UTP20: variants seen among roughly 807,000 people sequenced by gnomAD.
The protein encoded by UTP20 is small subunit processome component 20 homolog.
In UTP20, 164 loss-of-function variants were observed where a neutral mutation model predicts 329.5. That is an observed-to-expected ratio of 0.50 (90% CI 0.44 to 0.57). UTP20 has a LOEUF of 0.57. UTP20 is among the 20% of genes least tolerant of loss of function. The pLI, the probability that UTP20 is intolerant of heterozygous loss-of-function variation, is 0.00. For missense variants in UTP20, 3,055 were observed against 3,284.2 expected, an observed-to-expected ratio of 0.93 and a Z score of 1.71; for synonymous variants, 1,151 against 1,159.3, an observed-to-expected ratio of 0.99 and a Z score of 0.14.
In UTP20 at chr12:101,290,775, A is replaced by C; in HGVS notation, c.778A>C (p.Thr260Pro). The change falls in exon 8 of 62, where the codon ACA becomes CCA. Residue 260 changes from threonine (T) to proline (P), a missense_variant. This residue lies in a region of UTP20 where 2,445 missense variants were observed against 2,575.5 expected (regional missense o/e 0.95). Coordinates refer to ENST00000261637, the MANE Select transcript of UTP20 (RefSeq NM_014503.3). ...ILRKLGPVTE[T>P]ETQLPWMLIG... ...GCGAAAGCTAGGACCAGTCACTGAAACAGAAACTCAACTACCATGGATGTT... is the reference window on the plus strand; with the variant it reads ...GCGAAAGCTAGGACCAGTCACTGAACCAGAAACTCAACTACCATGGATGTT... 6.2e-7 allele frequency: 1 copy of C among 1,613,704 alleles called. No homozygotes were observed. Among genetic ancestry groups the C allele is most frequent in the South Asian group, 1.1e-5 (1 of 90,934 alleles).
At position 101,280,169 on chromosome 12, in the gene UTP20, C is replaced by A; in HGVS notation, c.-114C>A. 1 of 1,358,274 alleles carries A rather than the reference C, an allele frequency of 7.4e-7. No individual in the cohort carries two copies. The highest frequency in any genetic ancestry group is 1.4e-5 in the South Asian group (1 of 73,552). 84.1% of individuals were successfully genotyped at this position (1,358,274 alleles called of 1,614,324 possible). A position where few individuals can be genotyped will look rare whatever the true frequency, so the allele number is the denominator to read the frequency against. On this transcript the variant is annotated 5_prime_UTR_variant, in exon 1 of 62. It adds an upstream start codon to the 5' untranslated region. Transcript: ENST00000261637. ...GGGCTCAAGCCGCACGTGAGAAAGTCTGGGCATCTGGGAATCGGAGAGTAT... is the reference window on the plus strand; with the variant it reads ...GGGCTCAAGCCGCACGTGAGAAAGTATGGGCATCTGGGAATCGGAGAGTAT...
At chr12:101,336,941 G>T (rs1593438261) in intron 29 of UTP20, among the ~76,000 whole-genome samples, 1 of 152,222 alleles carries the variant, frequency 6.6e-6, no homozygotes, top group Admixed American at 6.5e-5. Context: ...CTCTTGCTAG[G>T]ACTTTACTCG....
chr12:101,292,903 A>G (rs1565785884), intron 10 of UTP20, among the ~76,000 whole-genome samples: 1 of 152,260 alleles, frequency 6.6e-6, no homozygotes, highest in Non-Finnish European at 1.5e-5. Flanking sequence ...GCACAGTAGT[A>G]CACTTTGAGG....
At chr12:101,353,403 G>T (rs1292559428) in intron 40 of UTP20, among the ~76,000 whole-genome samples, 2 of 152,166 alleles carry the variant, frequency 1.3e-5, no homozygotes, top group Non-Finnish European at 2.9e-5. Flanking sequence ...ACCTTCTTGT[G>T]TGAAAAGAGC....
chr12:101,349,830 T>C (rs60750097), intron 38 of UTP20, among the ~76,000 whole-genome samples: 34,967 of 152,090 alleles, frequency 0.23, 4,317 homozygotes, highest in East Asian at 0.37. Flanking sequence ...ATTAGGTCAC[T>C]TGAAGTTGTT....
At chr12:101,357,542 G>C (rs568068845) in intron 43 of UTP20, among the ~76,000 whole-genome samples, 1 of 152,290 alleles carries the variant, frequency 6.6e-6, no homozygotes, top group South Asian at 2.1e-4. Context: ...CTTTAGGCCA[G>C]GAGTTCAAGA....
intron 27 of UTP20, among the ~76,000 whole-genome samples, chr12:101,332,470 A>C (rs1317459543): frequency 6.6e-6 from 1 of 152,242 alleles, no homozygotes; most frequent in African/African-American, 2.4e-5. Flanking sequence ...CACTGGAGCC[A>C]TTAGTAGGGA....
chr12:101,359,595 A>G (rs1869847754), intron 43 of UTP20, among the ~76,000 whole-genome samples: 1 of 151,430 alleles, frequency 6.6e-6, no homozygotes, highest in African/African-American at 2.4e-5. Flanking sequence ...TCCCTCTTTC[A>G]TATCTTTCTG....
At chr12:101,360,060 TG>T (rs1476122665) in intron 43 of UTP20, among the ~76,000 whole-genome samples, 1 of 152,256 alleles carries the variant, frequency 6.6e-6, no homozygotes, top group Admixed American at 6.5e-5. Context: ...GGTGTTTAAA[TG>T]AGTAGCCCTT....
In UTP20 at chr12:101,386,117, G is replaced by A. The variant is rs1870822684; in HGVS notation, c.8352G>A (p.Val2784=). 1.2e-6 allele frequency: 2 copies of A among 1,604,458 alleles called. No homozygotes were observed. The highest frequency in any genetic ancestry group is 1.1e-5 in the South Asian group (1 of 88,452). The change falls in exon 62 of 62, where the codon GTG becomes GTA. Residue 2784 remains valine, a synonymous_variant. Transcript: ENST00000261637. ...ATAGCCTGAAAGATTTAGCAATGGT[G>A]GAGTAATGTCTCCCTGTGCTGATAC... is the stretch of plus-strand genomic sequence containing the variant. The part of the protein sequence containing the change: ...KSHSLKDLAM[V]E
At position 101,340,559 on chromosome 12, in the gene UTP20, T is replaced by C. The variant is rs1182353042; in HGVS notation, c.4050T>C (p.Ser1350=). The C allele has an allele frequency of 6.2e-7, 1 of 1,611,952 alleles. No individual in the cohort carries two copies. Among genetic ancestry groups the C allele is most frequent in the Non-Finnish European group, 8.5e-7 (1 of 1,179,216 alleles). ...TTATGAAAGACAAAGAACAAAGTTC[T>C]GTACTCATTACGCTTCTCCTTCCAT... ...SKFMKDKEQS[S]VLITLLLPFL... The change falls in exon 32 of 62, where the codon TCT becomes TCC. Residue 1350 remains serine (S), a synonymous_variant. Transcript: ENST00000261637.
In UTP20 at chr12:101,281,203, G is replaced by A. The variant is rs750657480; in HGVS notation, c.126+7G>A. ...AACTGCAAGCTATGAGGAGGTAAGA[G>A]AATGTGATACTAGTCAATCTTCAAG... On this transcript the variant is annotated splice_region_variant and intron_variant, in intron 2 of 61. Coordinates refer to ENST00000261637, the MANE Select transcript of UTP20 (RefSeq NM_014503.3). The A allele has an allele frequency of 8.1e-6, 13 of 1,606,006 alleles. No homozygotes were observed. Among genetic ancestry groups the A allele is most frequent in the Middle Eastern group, 1.7e-4 (1 of 6,036 alleles).
chr12:101,354,112 A>AT (rs2120975149), intron 40 of UTP20, among the ~76,000 whole-genome samples: 1 of 152,098 alleles, frequency 6.6e-6, no homozygotes, highest in Non-Finnish European at 1.5e-5. Context: ...TATACAAAAA[A>AT]TTAGCTGGAC....
intron 56 of UTP20, among the ~76,000 whole-genome samples, chr12:101,377,210 A>G (rs1256701933): frequency 6.6e-6 from 1 of 152,250 alleles, no homozygotes; most frequent in African/African-American, 2.4e-5. Context: ...TCATTGCAAC[A>G]TGGCCAGATT....
chr12:101,296,354 G>A (rs561589975), intron 12 of UTP20, among the ~76,000 whole-genome samples: 125 of 152,206 alleles, frequency 8.2e-4, no homozygotes, highest in African/African-American at 2.8e-3. Context: ...GGCAGATCAC[G>A]AGGTCAGGAG....
chr12:101,338,407 A>G, intron 30 of UTP20, 130 bp downstream of exon 30: 2 of 825,094 alleles, frequency 2.4e-6, no homozygotes, highest in South Asian at 3.6e-5. Flanking sequence ...TTCCCTGGGA[A>G]CTAATACTAA....
chr12:101,385,723 C>G lies in UTP20; in HGVS notation c.8197C>G (p.Leu2733Val), dbSNP rs1180008829. 2 of 1,610,630 alleles carry G rather than the reference C, an allele frequency of 1.2e-6. No homozygotes were observed. Among genetic ancestry groups the G allele is most frequent in the Non-Finnish European group, 8.5e-7 (1 of 1,179,336 alleles). ...KRALRKKRKA[L>V]EFVTNPDIAA... Reference sequence around the variant, plus strand: ...GGCACTCCGGAAAAAGAGGAAGGCCCTGGAGGTAAGTTTGCTCTTTGAAAA... The same window carrying G: ...GGCACTCCGGAAAAAGAGGAAGGCCGTGGAGGTAAGTTTGCTCTTTGAAAA... Residue 2733 changes from leucine to valine, a missense_variant, in exon 61 of 62, where the codon CTG becomes GTG. Leu to Val is a conservative substitution (Grantham distance 32). Around this residue, in one of 3 missense-constraint regions of UTP20, gnomAD observed 337 missense variants for 345.5 expected, o/e 0.98. Transcript: ENST00000261637.
Position 101,375,657 on chromosome 12 carries a change from C to T in UTP20, c.7297C>T (p.Arg2433Cys), listed in dbSNP as rs771120382. Residue 2433 changes from arginine to cysteine, a missense_variant, in exon 56 of 62, where the codon CGC becomes TGC. Arg to Cys is a radical substitution (Grantham distance 180). Coordinates refer to ENST00000261637, the MANE Select transcript of UTP20 (RefSeq NM_014503.3). ...AGAAACTGAAGAAAAAGCTGCAGAT[C>T]GCCTTCTGTTTAGTTTTCTTACACT... Reference protein sequence around the residue: ...MEETEEKAADRLLFSFLTLIT... With the variant: ...MEETEEKAADCLLFSFLTLIT... 1.4e-5 allele frequency: 23 copies of T among 1,611,282 alleles called. No individual in the cohort carries two copies. Among genetic ancestry groups the T allele is most frequent in the Non-Finnish European group, 1.4e-5 (16 of 1,179,158 alleles).
Position 101,353,144 on chromosome 12 carries a change from CT to C in UTP20, c.5107+18del, listed in dbSNP as rs758004706. 2 of 1,528,434 alleles carry C rather than the reference CT, an allele frequency of 1.3e-6. No individual in the cohort carries two copies. Among genetic ancestry groups the C allele is most frequent in the East Asian group, 4.5e-5 (2 of 44,156 alleles). The allele number at this position is 1,528,434 out of a possible 1,614,324, so 94.7% of individuals were successfully genotyped here. On this transcript the variant is annotated intron_variant, in intron 40 of 61. Coordinates refer to ENST00000261637, the MANE Select transcript of UTP20 (RefSeq NM_014503.3). ...GAATGAAGAAAGTAAGTTTCTTAAA[CT>C]TTCTTAAACAAGATTTTCATCTTAT...
Sources: gnomAD v4.1 joint callset for allele counts (sites outside exome capture counted in the v4.1 genomes callset) on GRCh38, gnomAD v4.1.1 for gene constraint, gnomAD v4.1.1 regional missense constraint, MANE v1.5 for transcripts, NCBI Gene and HGNC (gene_info 2026-07-23, HGNC 2026-07-21) for gene names.